TSHZ2: variants seen among roughly 807,000 people sequenced by gnomAD.
TSHZ2 encodes the protein teashirt zinc finger homeobox 2.
In TSHZ2, 21 loss-of-function variants were observed where a neutral mutation model predicts 74.4. The observed-to-expected ratio is 0.28, with a 90% CI of 0.20 to 0.41. The LOEUF is 0.41. Ranked by LOEUF, TSHZ2 falls within the 10% of genes least tolerant of loss-of-function variation. The pLI is 1.00. For missense variants in TSHZ2, 1,244 were observed against 1,293.5 expected (o/e 0.96, Z 0.59); for synonymous variants, 540 against 515.3 (o/e 1.05, Z -0.65).
At chr20:52,981,980 G>A (rs1981584929) in intron 1 of TSHZ2, among the ~76,000 whole-genome samples, 1 of 152,130 alleles carries the variant, frequency 6.6e-6, no homozygotes, top group South Asian at 2.1e-4. Flanking sequence ...GGAAGCTAGA[G>A]AATATACAAA....
At chr20:53,117,080 C>T (rs528079035) in intron 1 of TSHZ2, among the ~76,000 whole-genome samples, 2 of 152,162 alleles carry the variant, frequency 1.3e-5, no homozygotes, top group Non-Finnish European at 2.9e-5. Context: ...TTCTCTCATG[C>T]CTCTTCTTAT....
chr20:53,000,280 A>T (rs997650728), intron 1 of TSHZ2, among the ~76,000 whole-genome samples: 2 of 152,212 alleles, frequency 1.3e-5, no homozygotes, highest in Non-Finnish European at 2.9e-5. Flanking sequence ...TACCTATATA[A>T]TATCTTAAAT....
intron 1 of TSHZ2, among the ~76,000 whole-genome samples, chr20:53,136,173 T>C (rs947578290): frequency 6.6e-6 from 1 of 152,184 alleles, no homozygotes; most frequent in Non-Finnish European, 1.5e-5. Context: ...CAAGTCTCTC[T>C]TCCTCTTATA....
Position 53,074,086 on chromosome 20 carries a change from A to G in TSHZ2, c.40+100753A>G, listed in dbSNP as rs1382419000. ...TCGCAATTCTAGCATTGTAAAAGACATGTACATACAACTGTCTCTCACCTT... is the reference window on the plus strand; with the variant it reads ...TCGCAATTCTAGCATTGTAAAAGACGTGTACATACAACTGTCTCTCACCTT... On this transcript the variant is annotated intron_variant, in intron 1 of 2. Transcript: ENST00000371497. The surrounding 1 kb of genome is among the most constrained non-coding windows in gnomAD (Gnocchi z 5.9). Among the ~76,000 whole-genome samples, 1 of 152,142 alleles carries G rather than the reference A, an allele frequency of 6.6e-6. No individual in the cohort carries two copies. Among genetic ancestry groups the G allele is most frequent in the Non-Finnish European group, 1.5e-5 (1 of 68,042 alleles).
intron 2 of TSHZ2, among the ~76,000 whole-genome samples, chr20:53,430,736 A>ATTTAG (rs771108631): frequency 1.2e-4 from 18 of 152,076 alleles, no homozygotes; most frequent in Admixed American, 2.6e-4. Context: ...CACTGATTTG[A>ATTTAG]TTTAGTTTAG....
intron 2 of TSHZ2, among the ~76,000 whole-genome samples, chr20:53,354,193 G>A (rs1357880536): frequency 6.6e-6 from 1 of 152,214 alleles, no homozygotes; most frequent in Non-Finnish European, 1.5e-5. Flanking sequence ...GAATTATGGG[G>A]TAGAGAGCAT....
chr20:53,470,717 G>A (rs565173165), intron 2 of TSHZ2, among the ~76,000 whole-genome samples: 160 of 152,264 alleles, frequency 1.1e-3, no homozygotes, highest in Non-Finnish European at 1.9e-3. Flanking sequence ...AGAAGGCTAA[G>A]ACAGAGAATC....
rs1453049671 is a variant in TSHZ2, at chr20:53,074,728, A to G, written c.40+101395A>G. On this transcript the variant is annotated intron_variant, in intron 1 of 2. Transcript: ENST00000371497. The surrounding 1 kb of genome is among the most constrained non-coding windows in gnomAD (Gnocchi z 5.9). ...ACTAATTATAGTCTGAATTTTAAAG[A>G]AAAATTCAGGCACATCTACTCTGTG... Among the ~76,000 whole-genome samples, 1 of 152,224 alleles carries G rather than the reference A, an allele frequency of 6.6e-6. No homozygotes were observed. Among genetic ancestry groups the G allele is most frequent in the Admixed American group, 6.5e-5 (1 of 15,284 alleles).
At chr20:53,329,820 AAG>A (rs780744782) in intron 2 of TSHZ2, among the ~76,000 whole-genome samples, 11 of 150,648 alleles carry the variant, frequency 7.3e-5, no homozygotes, top group Non-Finnish European at 1.3e-4. Context: ...AAGAAAGAGA[AAG>A]AGAGAGAGAG....
At chr20:53,175,131 CTTTTTTTTTTTT>C (rs750453219) in intron 1 of TSHZ2, among the ~76,000 whole-genome samples, 6 of 63,640 alleles carry the variant, frequency 9.4e-5, no homozygotes, top group African/African-American at 1.4e-4. Flanking sequence ...CTTCTTCTTT[CTTTTTTTTTTTT>C]TTTTTTTTTT....
At chr20:53,184,273 T>C (rs141040412) in intron 1 of TSHZ2, among the ~76,000 whole-genome samples, 1 of 152,316 alleles carries the variant, frequency 6.6e-6, no homozygotes, top group African/African-American at 2.4e-5. Flanking sequence ...TCAACAAATA[T>C]TTGCTAAGCA....
chr20:53,136,302 C>G (rs1248562376), intron 1 of TSHZ2, among the ~76,000 whole-genome samples: 4 of 152,174 alleles, frequency 2.6e-5, no homozygotes, highest in Non-Finnish European at 5.9e-5. Flanking sequence ...GGACAACATT[C>G]AAACCATAGC....
rs149886120 is a variant in TSHZ2 at position 53,083,339 on chromosome 20, C to T, written c.40+110006C>T. 1.5e-3 allele frequency among the ~76,000 whole-genome samples: 230 copies of T among 152,282 alleles called. 1 individual carries two copies. Among genetic ancestry groups the T allele is most frequent in the African/African-American group, 5.3e-3 (219 of 41,530 alleles). On this transcript the variant is annotated intron_variant, in intron 1 of 2. Transcript: ENST00000371497. ...ACCTTCCTTAGGGAGGTAAATAAGA[C>T]ATTGCTTGTAGGCCTGACTTGAGGC...
chr20:53,349,651 CA>C (rs559107005), intron 2 of TSHZ2, among the ~76,000 whole-genome samples: 23,717 of 133,278 alleles, frequency 0.18, 2,216 homozygotes, highest in South Asian at 0.28. Context: ...GACCCCACCT[CA>C]AAAAAAAAAA....
At chr20:53,287,853 G>A (rs1353880287) in intron 2 of TSHZ2, among the ~76,000 whole-genome samples, 1 of 151,982 alleles carries the variant, frequency 6.6e-6, no homozygotes, top group Non-Finnish European at 1.5e-5. Flanking sequence ...TAATGACTCA[G>A]CTTTTTTTCC....
chr20:53,162,818 CGGGGG>C (rs1987974761), intron 1 of TSHZ2, among the ~76,000 whole-genome samples: 1 of 151,846 alleles, frequency 6.6e-6, no homozygotes, highest in South Asian at 2.1e-4. Flanking sequence ...CTTTACAAAG[CGGGGG>C]AGGGGGAGAA....
intron 1 of TSHZ2, among the ~76,000 whole-genome samples, chr20:53,174,795 A>G (rs993475665): frequency 1.3e-5 from 2 of 152,212 alleles, no homozygotes; most frequent in Non-Finnish European, 2.9e-5. Context: ...ATATTTAGAC[A>G]AATCCAGAGA....
At chr20:53,288,870 G>A (rs1276340471) in intron 2 of TSHZ2, among the ~76,000 whole-genome samples, 3 of 151,720 alleles carry the variant, frequency 2.0e-5, no homozygotes, top group African/African-American at 4.8e-5. Context: ...TTGGTAAAAC[G>A]GATAAGTCAT....
At chr20:53,270,353 G>T (rs760116314) in intron 2 of TSHZ2, among the ~76,000 whole-genome samples, 9 of 152,066 alleles carry the variant, frequency 5.9e-5, no homozygotes, top group Non-Finnish European at 1.2e-4. Flanking sequence ...GTCCTAAGCT[G>T]CTAGGGCCTT....
Sources: gnomAD v4.1 joint callset for allele counts (sites outside exome capture counted in the v4.1 genomes callset) on GRCh38, gnomAD v4.1.1 for gene constraint, Gnocchi (gnomAD v3.1) non-coding constraint, MANE v1.5 for transcripts, NCBI Gene and HGNC (gene_info 2026-07-23, HGNC 2026-07-21) for gene names.